The following MAGI3 variants were observed in gnomAD, a reference collection of about 807,000 sequenced individuals.
MAGI3 encodes the protein membrane-associated guanylate kinase, WW and PDZ domain-containing protein 3.
In MAGI3, 43 loss-of-function variants were observed where a neutral mutation model predicts 121.8. The ratio of observed to expected loss-of-function variants is 0.35; its 90% CI spans 0.28 to 0.46. MAGI3 has a LOEUF of 0.46. MAGI3 is among the 20% of genes least tolerant of loss of function. The pLI, the probability that MAGI3 is intolerant of heterozygous loss-of-function variation, is 1.00. For synonymous variants in MAGI3, 553 were observed against 639.3 expected (o/e 0.86, Z 2.04); for missense variants, 1,547 against 1,797.3 (o/e 0.86, Z 2.52).
At chr1:113,483,819 G>A (rs759695080) in intron 1 of MAGI3, among the ~76,000 whole-genome samples, 4 of 152,040 alleles carry the variant, frequency 2.6e-5, no homozygotes, top group Non-Finnish European at 5.9e-5. Context: ...GAACAATACA[G>A]TACAATAGTA....
intron 7 of MAGI3, among the ~76,000 whole-genome samples, chr1:113,618,357 A>T (rs1650606778): frequency 6.6e-6 from 1 of 152,098 alleles, no homozygotes; most frequent in Non-Finnish European, 1.5e-5. Context: ...ATAAATAAAG[A>T]AATAAAAAGG....
At chr1:113,487,028 C>G (rs145928645) in intron 1 of MAGI3, among the ~76,000 whole-genome samples, 1 of 152,000 alleles carries the variant, frequency 6.6e-6, no homozygotes, top group African/African-American at 2.4e-5. Flanking sequence ...TCTTGAGGTA[C>G]GAATTAGGGG....
chr1:113,571,879 CT>C (rs2101704665), intron 2 of MAGI3, among the ~76,000 whole-genome samples: 1 of 152,272 alleles, frequency 6.6e-6, no homozygotes, highest in South Asian at 2.1e-4. Context: ...TTTGAATACC[CT>C]TTATTTCTTT....
chr1:113,658,108 G>T lies in MAGI3; in HGVS notation c.2630-972G>T, dbSNP rs1240514072. Among the ~76,000 whole-genome samples, 1 of 152,162 alleles carries T rather than the reference G, an allele frequency of 6.6e-6. No individual in the cohort carries two copies. The highest frequency in any genetic ancestry group is 1.9e-4 in the East Asian group (1 of 5,198). Reference sequence around the variant, plus strand: ...TCAAATCAGTCAGTAGTCAGCAGGAGCCCACATACCTGATAAGTTTAAAGT... The same window carrying T: ...TCAAATCAGTCAGTAGTCAGCAGGATCCCACATACCTGATAAGTTTAAAGT... On this transcript the variant is annotated intron_variant, in intron 15 of 20. Coordinates refer to ENST00000307546, the MANE Select transcript of MAGI3 (RefSeq NM_001142782.2). This position sits in a 1 kb window ranked among gnomAD's most constrained non-coding sequence, Gnocchi z 4.0.
At chr1:113,681,095 G>A (rs777143336) in intron 19 of MAGI3, 103 bp from the exon 20 acceptor site, 92 of 1,387,470 alleles carry the variant, frequency 6.6e-5, no homozygotes, top group Non-Finnish European at 8.9e-5. Flanking sequence ...TTTTACAAAC[G>A]AAAGAATCAC....
chr1:113,573,595 G>A (rs1290076041), intron 2 of MAGI3, among the ~76,000 whole-genome samples: 1 of 152,184 alleles, frequency 6.6e-6, no homozygotes, highest in Middle Eastern at 3.2e-3. Context: ...TGCATTTGCT[G>A]AGGAGTGTTT....
chr1:113,629,163 G>A (rs2101799478), intron 9 of MAGI3, among the ~76,000 whole-genome samples: 1 of 151,866 alleles, frequency 6.6e-6, no homozygotes, highest in East Asian at 1.9e-4. Context: ...CTGTCTTCAA[G>A]CTCACTAATT....
rs574042577 is a variant in MAGI3 at position 113,590,227 on chromosome 1, T to C, written c.764-257T>C. Reference sequence around the variant, plus strand: ...TGCTGTGGCTTATTAGGATTTATACTGAATTAATTCTATTGTTGTTTTTTG... The same window carrying C: ...TGCTGTGGCTTATTAGGATTTATACCGAATTAATTCTATTGTTGTTTTTTG... On this transcript the variant is annotated intron_variant, in intron 4 of 20. Coordinates refer to ENST00000307546, the MANE Select transcript of MAGI3 (RefSeq NM_001142782.2). Among the ~76,000 whole-genome samples the C allele has an allele frequency of 5.3e-5, 8 of 152,266 alleles. No individual in the cohort carries two copies. In the South Asian group the frequency reaches 1.7e-3, roughly 32 times the overall value.
At chr1:113,454,955 G>A (rs1654672574) in intron 1 of MAGI3, among the ~76,000 whole-genome samples, 2 of 152,090 alleles carry the variant, frequency 1.3e-5, no homozygotes, top group South Asian at 4.1e-4. Flanking sequence ...TTGGAGATTA[G>A]GTACAGAATA....
At chr1:113,672,326 A>T (rs1275402771) in intron 17 of MAGI3, among the ~76,000 whole-genome samples, 1 of 152,200 alleles carries the variant, frequency 6.6e-6, no homozygotes. Context: ...GGGTCAGCTT[A>T]ACTGCCCTCT....
rs1658559395 is a variant in MAGI3, at chr1:113,528,559, T to C, written c.317-20956T>C. ...AATAATAAGTTTGATCTTTTCTGTGTAATAAAATACTTTTCTCCTTTGAGA... is the reference window on the plus strand; with the variant it reads ...AATAATAAGTTTGATCTTTTCTGTGCAATAAAATACTTTTCTCCTTTGAGA... On this transcript the variant is annotated intron_variant, in intron 1 of 20. Transcript: ENST00000307546. Among the ~76,000 whole-genome samples the C allele has an allele frequency of 2.0e-5, 3 of 152,190 alleles. No individual in the cohort carries two copies. The South Asian group carries it at 6.2e-4, about 31-fold the overall frequency.
At chr1:113,601,943 A>G (rs1449932956) in intron 6 of MAGI3, among the ~76,000 whole-genome samples, 1 of 151,412 alleles carries the variant, frequency 6.6e-6, no homozygotes, top group Admixed American at 6.6e-5. Flanking sequence ...GAAATTGGAA[A>G]TCATCATTCT....
At chr1:113,577,816 T>C (rs1647746797) in intron 2 of MAGI3, among the ~76,000 whole-genome samples, 1 of 152,204 alleles carries the variant, frequency 6.6e-6, no homozygotes, top group Non-Finnish European at 1.5e-5. Flanking sequence ...CCGTTAATAA[T>C]AATCACAGAC....
chr1:113,459,129 G>A (rs1188842333), intron 1 of MAGI3, among the ~76,000 whole-genome samples: 1 of 151,980 alleles, frequency 6.6e-6, no homozygotes, highest in Non-Finnish European at 1.5e-5. Context: ...ATTACTTCTG[G>A]TTTTTGCATT....
In MAGI3 at chr1:113,641,962, C is replaced by T. The variant is rs766572060; in HGVS notation, c.1412C>T (p.Ala471Val). The T allele has an allele frequency of 6.2e-7, 1 of 1,610,742 alleles. No homozygotes were observed. The highest frequency in any genetic ancestry group is 8.5e-7 in the Non-Finnish European group (1 of 1,177,148). ...AACTGTGTCCTCGGTCACACTCATG[C>T]AGATGTTGTCCAGATGTTTCAATTG... ...NGNCVLGHTH[A>V]DVVQMFQLVP... The change falls in exon 10 of 21, where the codon GCA (alanine) becomes GTA (valine). Residue 471 changes from alanine (A) to valine (V), a missense_variant. Coordinates refer to ENST00000307546, the MANE Select transcript of MAGI3 (RefSeq NM_001142782.2).
At chr1:113,647,661 T>C (rs536269632) in intron 12 of MAGI3, among the ~76,000 whole-genome samples, 3 of 152,338 alleles carry the variant, frequency 2.0e-5, no homozygotes, top group South Asian at 2.1e-4. Flanking sequence ...GGAAAAGATA[T>C]GTACAAGTGG....
rs931265255 is a variant in MAGI3, at chr1:113,530,718, C to T, written c.317-18797C>T. ...GGAGGATTGCTTGAGCCCAGGAGTT[C>T]AAGACCAGCCTGGGCAACATAGTGA... is the stretch of plus-strand genomic sequence containing the variant. On this transcript the variant is annotated intron_variant, in intron 1 of 20. Transcript: ENST00000307546. Among the ~76,000 whole-genome samples the T allele has an allele frequency of 7.2e-5, 11 of 152,060 alleles. No homozygotes were observed. The East Asian group carries it at 1.9e-3, about 27-fold the overall frequency.
At chr1:113,648,937 C>T (rs1019321958) in intron 12 of MAGI3, among the ~76,000 whole-genome samples, 1 of 152,044 alleles carries the variant, frequency 6.6e-6, no homozygotes, top group African/African-American at 2.4e-5. Flanking sequence ...ATTCTGAATT[C>T]AACATTGTTA....
Position 113,594,567 on chromosome 1 carries a change from A to T in MAGI3, c.1018+7A>T, listed in dbSNP as rs773251339. On this transcript the variant is annotated splice_region_variant and intron_variant, in intron 6 of 20. Transcript: ENST00000307546. Reference sequence around the variant, plus strand: ...GAAGACTGTGAAGATGGAGGTAGAGATTCAGAAACTTACTCTATCATACTT... The same window carrying T: ...GAAGACTGTGAAGATGGAGGTAGAGTTTCAGAAACTTACTCTATCATACTT... The T allele has an allele frequency of 6.2e-7, 1 of 1,605,246 alleles. No individual in the cohort carries two copies. The highest frequency in any genetic ancestry group is 8.5e-7 in the Non-Finnish European group (1 of 1,174,134).
Sources: gnomAD v4.1 joint callset for allele counts (sites outside exome capture counted in the v4.1 genomes callset) on GRCh38, gnomAD v4.1.1 for gene constraint, Gnocchi (gnomAD v3.1) non-coding constraint, MANE v1.5 for transcripts, NCBI Gene and HGNC (gene_info 2026-07-23, HGNC 2026-07-21) for gene names.